Variants in DUOX2 observed in about 807,000 individuals in gnomAD.
DUOX2 encodes the protein NADH/NADPH thyroid oxidase p138-tox.
Under a neutral mutation model 183.3 loss-of-function variants are expected in DUOX2, and 185 were observed. The ratio of observed to expected loss-of-function variants is 1.01; its 90% confidence interval spans 0.90 to 1.14. The LOEUF (loss-of-function observed/expected upper bound fraction) is 1.14. Among genes scored for constraint, DUOX2 ranks in the 50% most tolerant of loss-of-function variants. The probability of loss-of-function intolerance (pLI) is 0.00; values close to 1 mark genes in which losing one functional copy is unlikely to be tolerated. For missense variants in DUOX2, 1,999 were observed against 2,022.9 expected (o/e 0.99, Z 0.23); for synonymous variants, 788 against 812.4 (o/e 0.97, Z 0.51).
chr15:45,105,759 A>T lies in DUOX2; in HGVS notation c.2218T>A (p.Trp740Arg). The T allele has an allele frequency of 1.9e-6, 3 of 1,614,240 alleles. No homozygotes were observed. Among genetic ancestry groups the T allele is most frequent in the Non-Finnish European group, 2.5e-6 (3 of 1,180,036 alleles). ...TCAGCCACATGGAGGCCCAGAGCCC[A>T]GCGCACGCAGAAGTCCCATAGCTGC... ...VQQLWDFCVR[W>R]ALGLHVAEMS... Residue 740 changes from tryptophan (W) to arginine (R), a missense_variant, in exon 18 of 34, where the codon TGG (tryptophan) becomes AGG (arginine). Coordinates refer to ENST00000389039, the MANE Select transcript of DUOX2 (RefSeq NM_001363711.2).
chr15:45,100,132 G>A lies in DUOX2; in HGVS notation c.3102C>T (p.Phe1034=), dbSNP rs768010975. ...CGATGTGCCTCCGGTAGTTCTCCAC[G>A]AAGCGCTTGTACTGCTGCAGCTTTT... ...LAQKLQQYKR[F]VENYRRHIVC... The change falls in exon 24 of 34, where the codon TTC becomes TTT. Residue 1034 remains phenylalanine, a synonymous_variant. Transcript: ENST00000389039. The A allele has an allele frequency of 1.2e-5, 20 of 1,614,108 alleles. No individual in the cohort carries two copies. The highest frequency in any genetic ancestry group is 2.7e-5 in the African/African-American group (2 of 74,946).
intron 29 of DUOX2, 29 bp from the exon 30 acceptor site, chr15:45,096,089 G>T: frequency 6.3e-7 from 1 of 1,588,438 alleles, no homozygotes; most frequent in Non-Finnish European, 8.6e-7. Context: ...GAAAAGCACA[G>T]ATGAGAAGGC....
rs775341473 is a variant in DUOX2, at chr15:45,108,808, T to C, written c.1379A>G (p.Asn460Ser). 2 of 1,614,100 alleles carry C rather than the reference T, an allele frequency of 1.2e-6. No individual in the cohort carries two copies. Among genetic ancestry groups the C allele is most frequent in the Non-Finnish European group, 1.7e-6 (2 of 1,180,038 alleles). ...CCTGACCTGGGGGTCCACATTAGGG[T>C]TGAGATCACTCCAGTTCCTTGGGAT... is the stretch of plus-strand genomic sequence containing the variant. ...LDIPRNWSDL[N>S]PNVDPQVLEA... is the part of the protein sequence containing the mutation. The change falls in exon 12 of 34, where the codon AAC (asparagine) becomes AGC (serine). Residue 460 changes from asparagine to serine, a missense_variant. This residue lies in a region of DUOX2 where 1,628 missense variants were observed against 1,608.6 expected (regional missense o/e 1.01). Coordinates refer to ENST00000389039, the MANE Select transcript of DUOX2 (RefSeq NM_001363711.2).
At chr15:45,094,442 T>A in intron 33 of DUOX2, 121 bp downstream of exon 33, 1 of 1,524,754 alleles carries the variant, frequency 6.6e-7, no homozygotes, top group South Asian at 1.2e-5. Context: ...GCTGACCTCA[T>A]CCTGGGGCCA....
Position 45,111,714 on chromosome 15 carries a change from C to T in DUOX2, c.513+54G>A, listed in dbSNP as rs1595528936. On this transcript the variant is annotated intron_variant, in intron 5 of 33. Transcript: ENST00000389039. ...CTCCAGGCCCTGCCAGGCCCGAAGC[C>T]CAGGCCCCACCTGGCTGGGGTGCGG... 2.0e-6 allele frequency: 3 copies of T among 1,484,822 alleles called. No individual in the cohort carries two copies. The East Asian group carries it at 7.5e-5, about 37-fold the overall frequency. 92.0% of individuals were successfully genotyped at this position (1,484,822 alleles called of 1,614,324 possible).
chr15:45,095,639 A>C, intron 30 of DUOX2, 44 bp from the exon 31 acceptor site: 6 of 1,613,808 alleles, frequency 3.7e-6, no homozygotes, highest in Non-Finnish European at 5.1e-6. Context: ...ACCCTGCCCC[A>C]GCTCTGAGAC....
intron 13 of DUOX2, among the ~76,000 whole-genome samples, 190 bp downstream of exon 13, chr15:45,107,857 A>AAG (rs1205987973): frequency 5.4e-5 from 5 of 93,136 alleles, no homozygotes; most frequent in Non-Finnish European, 8.2e-5. Flanking sequence ...CCTCAAAAAA[A>AAG]AAAAAAAAAA....
chr15:45,097,435 C>T (rs780644806), intron 28 of DUOX2, 44 bp from the exon 29 acceptor site: 56 of 1,613,958 alleles, frequency 3.5e-5, no homozygotes, highest in Non-Finnish European at 4.7e-5. Context: ...CAGCCAGGCC[C>T]CTGCCCGGCA....
chr15:45,110,676 A>T lies in DUOX2; in HGVS notation c.917T>A (p.Leu306Gln). Residue 306 changes from leucine (L) to glutamine (Q), a missense_variant, in exon 8 of 34, where the codon CTG becomes CAG. Leu to Gln is a moderately radical substitution (Grantham distance 113). Transcript: ENST00000389039. Reference protein sequence around the residue: ...IAVYEWLPSFLQKTLPEYTGY... With the variant: ...IAVYEWLPSFQQKTLPEYTGY... ...TGTATACTCCGGGAGTGTTTTCTGC[A>T]GGAAGCTGGGCAGCCACTCATACAC... 6.2e-7 allele frequency: 1 copy of T among 1,612,530 alleles called. No individual in the cohort carries two copies. Among genetic ancestry groups the T allele is most frequent in the Non-Finnish European group, 8.5e-7 (1 of 1,179,934 alleles).
At chr15:45,101,648 T>C (rs1162253541) in intron 21 of DUOX2, 145 bp downstream of exon 21, 1 of 1,036,292 alleles carries the variant, frequency 9.6e-7, no homozygotes, top group Non-Finnish European at 1.5e-6. Flanking sequence ...CACACCTACA[T>C]GTGCCATCCC....
rs749552242 is a variant in DUOX2, at chr15:45,100,098, CCA to C, written c.3134_3135del (p.Val1045GlyfsTer76). 77 of 1,614,122 alleles carry C rather than the reference CCA, an allele frequency of 4.8e-5. No homozygotes were observed. Among genetic ancestry groups the C allele is most frequent in the Non-Finnish European group, 6.4e-5 (76 of 1,180,056 alleles). On this transcript the variant is annotated frameshift_variant, in exon 24 of 34. Coordinates refer to ENST00000389039, the MANE Select transcript of DUOX2 (RefSeq NM_001363711.2). LOFTEE classifies it high-confidence loss of function. ...CCAACACAGATGGCCGAGAAGATTGCCACACACACGATGTGCCTCCGGTAGTT... is the reference window on the plus strand; with the variant it reads ...CCAACACAGATGGCCGAGAAGATTGCCACACACGATGTGCCTCCGGTAGTT... ...VENYRRHIVC[V>X]AIFSAICVGV...
intron 29 of DUOX2, 93 bp downstream of exon 29, chr15:45,097,145 A>T (rs1893924707): frequency 6.4e-7 from 1 of 1,572,536 alleles, no homozygotes; most frequent in African/African-American, 1.3e-5. Context: ...AGTCAGAGGC[A>T]GTGATGGGGT....
rs139161034 is a variant in DUOX2 at position 45,106,552 on chromosome 15, C to T, written c.1921G>A (p.Glu641Lys). The T allele has an allele frequency of 5.1e-3, 8,284 of 1,614,180 alleles. 22 individuals carry two copies. The highest frequency in any genetic ancestry group is 6.3e-3 in the Non-Finnish European group (7,474 of 1,180,016). The change falls in exon 16 of 34, where the codon GAA (glutamate) becomes AAA (lysine). Residue 641 changes from glutamate to lysine, a missense_variant. By Grantham distance (56) the Glu-to-Lys change is moderately conservative. Coordinates refer to ENST00000389039, the MANE Select transcript of DUOX2 (RefSeq NM_001363711.2). Reference protein sequence around the residue: ...QKKLKESVKKEAAKDGVPAME... With the variant: ...QKKLKESVKKKAAKDGVPAME... The stretch of plus-strand genomic sequence containing the variant: ...CCTGGCACTCCATCTTTGGCTGCTT[C>T]CTTCTTCACGCTCTCTTTGAGTTTC...
intron 12 of DUOX2, chr15:45,108,526 C>G (rs1017781876): frequency 3.3e-6 from 2 of 604,392 alleles, no homozygotes; most frequent in African/African-American, 3.7e-5. Flanking sequence ...CCTGCAGCAA[C>G]AGGACAATGG....
Position 45,108,102 on chromosome 15 carries a change from G to A in DUOX2, c.1519C>T (p.Gln507Ter), listed in dbSNP as rs1566976596. Residue 507 changes from glutamine to a stop codon, truncating the protein, a stop_gained, in exon 13 of 34, where the codon CAG becomes TAG. Transcript: ENST00000389039. LOFTEE classifies it high-confidence loss of function. ...GPLFSAIVLD[Q>*]FVRLRDGDRY... ...TCACCATCCCGCAGCCGTACAAACT[G>A]GTCGAGGACAATGGCACTGAACAGG... 1 of 1,614,136 alleles carries A rather than the reference G, an allele frequency of 6.2e-7. No homozygotes were observed. Among genetic ancestry groups the A allele is most frequent in the Admixed American group, 1.7e-5 (1 of 60,018 alleles).
At position 45,101,775 on chromosome 15, in the gene DUOX2, C is replaced by A; in HGVS notation, c.2851+18G>T. 1 of 1,614,244 alleles carries A rather than the reference C, an allele frequency of 6.2e-7. No individual in the cohort carries two copies. The highest frequency in any genetic ancestry group is 8.5e-7 in the Non-Finnish European group (1 of 1,180,040). ...CACGCCCCCCCTCCCTGACGCCAAC[C>A]ATTCCTCACACACTCACCATTTCCA... On this transcript the variant is annotated intron_variant, in intron 21 of 33. Coordinates refer to ENST00000389039, the MANE Select transcript of DUOX2 (RefSeq NM_001363711.2).
rs753591292 is a variant in DUOX2 at position 45,094,983 on chromosome 15, A to G, written c.4348T>C (p.Tyr1450His). The G allele has an allele frequency of 6.8e-6, 11 of 1,613,964 alleles. No homozygotes were observed. The East Asian group carries it at 2.2e-4, about 33-fold the overall frequency. The change falls in exon 32 of 34, where the codon TAT (tyrosine) becomes CAT (histidine). Residue 1450 changes from tyrosine (Y) to histidine (H), a missense_variant. By Grantham distance (83) the Tyr-to-His change is moderately conservative (BLOSUM62 2). Transcript: ENST00000389039. ...DHQDLVSVHI[Y>H]VTQLAEKFDL... ...AACTTCTCAGCCAGCTGGGTGACATAAATGTGCACAGACACCAGGTCCTGG... is the reference window on the plus strand; with the variant it reads ...AACTTCTCAGCCAGCTGGGTGACATGAATGTGCACAGACACCAGGTCCTGG...
intron 26 of DUOX2, 112 bp downstream of exon 26, chr15:45,099,271 A>G (rs1360711473): frequency 7.8e-6 from 7 of 901,022 alleles, no homozygotes; most frequent in Admixed American, 2.0e-5. Flanking sequence ...CGGCCTCCCA[A>G]AGTGCTGGGA....
In DUOX2 at chr15:45,105,778, T is replaced by C. The variant is rs1004111650; in HGVS notation, c.2199A>G (p.Leu733=). 6 of 1,614,108 alleles carry C rather than the reference T, an allele frequency of 3.7e-6. No individual in the cohort carries two copies. Among genetic ancestry groups the C allele is most frequent in the Non-Finnish European group, 4.2e-6 (5 of 1,180,038 alleles). ...GAGCCCAGCGCACGCAGAAGTCCCATAGCTGCTGCACAAAGGCGCCCCGTT... is the reference window on the plus strand; with the variant it reads ...GAGCCCAGCGCACGCAGAAGTCCCACAGCTGCTGCACAAAGGCGCCCCGTT... ...EEERGAFVQQ[L]WDFCVRWALG... Residue 733 remains leucine, a synonymous_variant, in exon 18 of 34, where the codon CTA becomes CTG. Transcript: ENST00000389039.
Sources: allele counts gnomAD v4.1 joint callset (sites outside exome capture counted in the v4.1 genomes callset), GRCh38; gene constraint gnomAD v4.1.1; regional missense constraint gnomAD v4.1.1; transcripts MANE v1.5; gene names NCBI Gene and HGNC (gene_info 2026-07-23, HGNC 2026-07-21).